NNT: variants seen among roughly 807,000 people sequenced by gnomAD.
The protein encoded by NNT is NAD(P) transhydrogenase, mitochondrial.
A neutral mutation model predicts 104.8 loss-of-function variants in NNT; 50 were observed. That is an observed-to-expected ratio of 0.48 (90% CI 0.38 to 0.60). The LOEUF (loss-of-function observed/expected upper bound fraction) is 0.60, where lower values mean the gene tolerates loss of function less well. NNT is among the 20% of genes least tolerant of loss of function. The probability of loss-of-function intolerance (pLI) is 0.00; values close to 1 mark genes in which losing one functional copy is unlikely to be tolerated. For missense variants in NNT, 1,131 were observed against 1,330.7 expected (o/e 0.85, Z 2.33); for synonymous variants, 461 against 490.4 (o/e 0.94, Z 0.79).
chr5:43,695,408 G>A (rs1706323498), intron 19 of NNT, among the ~76,000 whole-genome samples: 1 of 152,248 alleles, frequency 6.6e-6, no homozygotes, highest in Non-Finnish European at 1.5e-5. Context: ...AGTGTGTTGT[G>A]GTGGCCATAA....
At chr5:43,666,326 T>C (rs1388610733) in intron 17 of NNT, among the ~76,000 whole-genome samples, 2 of 151,964 alleles carry the variant, frequency 1.3e-5, no homozygotes, top group Non-Finnish European at 2.9e-5. Flanking sequence ...TGAGCGAGAC[T>C]CCGTCTGCAA....
rs971052559 is a variant in NNT, at chr5:43,705,179, T to A, written c.*775T>A. On this transcript the variant is annotated 3_prime_UTR_variant, in exon 22 of 22. Coordinates refer to ENST00000344920, the MANE Select transcript of NNT (RefSeq NM_182977.3). ...TTATAATGTGTAGTACTATATTAAG[T>A]GCACTTGAGTGGAATTCAACATTTG... is the stretch of plus-strand genomic sequence containing the variant. 3.9e-5 allele frequency: 6 copies of A among 152,180 alleles called. No homozygotes were observed. The highest frequency in any genetic ancestry group is 1.4e-4 in the African/African-American group (6 of 41,468). The allele number at this position is 152,180 out of a possible 1,614,324, so 9.4% of individuals were successfully genotyped here. A position where few individuals can be genotyped will look rare whatever the true frequency, so the allele number is the denominator to read the frequency against.
chr5:43,702,505 G>C (rs1379248310), intron 20 of NNT, 116 bp from the exon 21 acceptor site: 9 of 645,744 alleles, frequency 1.4e-5, no homozygotes, highest in Non-Finnish European at 1.9e-5. Flanking sequence ...GCACAAGTGC[G>C]AATCCTATAT....
intron 19 of NNT, among the ~76,000 whole-genome samples, chr5:43,685,534 GA>G (rs1423663228): frequency 2.0e-5 from 3 of 152,070 alleles, no homozygotes; most frequent in Non-Finnish European, 4.4e-5. Flanking sequence ...ATAATAGCAA[GA>G]AGCTGAAAAA....
chr5:43,700,055 A>G, intron 19 of NNT, 64 bp from the exon 20 acceptor site: 1 of 1,245,624 alleles, frequency 8.0e-7, no homozygotes, highest in East Asian at 2.4e-5. Context: ...TGGAGGTGAT[A>G]TTGGGGTCTC....
intron 7 of NNT, among the ~76,000 whole-genome samples, chr5:43,642,432 A>T (rs1051051660): frequency 6.6e-6 from 1 of 152,190 alleles, no homozygotes; most frequent in African/African-American, 2.4e-5. Context: ...CCTTTGTTAG[A>T]TTACAGTACG....
At chr5:43,603,465 G>A (rs1046931925) in intron 1 of NNT, among the ~76,000 whole-genome samples, 171 bp downstream of exon 1, 3 of 152,164 alleles carry the variant, frequency 2.0e-5, no homozygotes, top group African/African-American at 4.8e-5. Flanking sequence ...GTGCATTGGG[G>A]TGTCCGCAGG....
At position 43,706,856 on chromosome 5, in the gene NNT, A is replaced by G. The variant is rs1743106324; in HGVS notation, c.*2452A>G. On this transcript the variant is annotated 3_prime_UTR_variant, in exon 22 of 22. Coordinates refer to ENST00000344920, the MANE Select transcript of NNT (RefSeq NM_182977.3). The stretch of plus-strand genomic sequence containing the variant: ...AAAGCTGGAAACCATCATTCTGAGC[A>G]AACTATTGCAAGGACAGAAAACCAA... 6.6e-6 allele frequency: 1 copy of G among 152,306 alleles called. No individual in the cohort carries two copies. Among genetic ancestry groups the G allele is most frequent in the South Asian group, 2.1e-4 (1 of 4,838 alleles). 9.4% of individuals were successfully genotyped at this position (152,306 alleles called of 1,614,324 possible).
At position 43,644,746 on chromosome 5, in the gene NNT, G is replaced by A. The variant is rs560132206; in HGVS notation, c.1234G>A (p.Asp412Asn). 3.1e-6 allele frequency: 5 copies of A among 1,614,178 alleles called. No homozygotes were observed. The East Asian group carries it at 8.9e-5, about 29-fold the overall frequency. The part of the protein sequence containing the change: ...DKDNFYFDVK[D>N]DFDFGTMGHV... ...AGATAATTTTTATTTTGATGTGAAA[G>A]ATGACTTTGACTTTGGTACGATGGG... Residue 412 changes from aspartate (D) to asparagine (N), a missense_variant, in exon 9 of 22, where the codon GAT becomes AAT. By Grantham distance (23) the Asp-to-Asn change is conservative (BLOSUM62 1). Transcript: ENST00000344920.
chr5:43,680,728 A>G (rs977435475), intron 19 of NNT, among the ~76,000 whole-genome samples: 8 of 152,136 alleles, frequency 5.3e-5, no homozygotes, highest in African/African-American at 1.9e-4. Context: ...TCATGACAAG[A>G]ACTCATTTTA....
chr5:43,652,191 A>G (rs557601750), intron 13 of NNT, among the ~76,000 whole-genome samples: 15 of 152,358 alleles, frequency 9.8e-5, no homozygotes, highest in African/African-American at 3.6e-4. Flanking sequence ...GTATCTAGCT[A>G]GATTGCGGTG....
At chr5:43,632,476 A>G (rs983937512) in intron 7 of NNT, among the ~76,000 whole-genome samples, 3 of 152,230 alleles carry the variant, frequency 2.0e-5, no homozygotes, top group African/African-American at 7.2e-5. Flanking sequence ...TGAAAAAACA[A>G]TGAACTTGTA....
chr5:43,693,344 G>T (rs573377456), intron 19 of NNT, among the ~76,000 whole-genome samples: 12 of 152,290 alleles, frequency 7.9e-5, no homozygotes, highest in African/African-American at 2.9e-4. Flanking sequence ...AGATATTTAT[G>T]TTTAGAGCTG....
intron 1 of NNT, among the ~76,000 whole-genome samples, chr5:43,606,716 C>A (rs1749242877): frequency 6.6e-6 from 1 of 152,150 alleles, no homozygotes; most frequent in Non-Finnish European, 1.5e-5. Context: ...ATTCTTTGAT[C>A]CTTCAAAGGA....
At chr5:43,699,520 A>C (rs1164960057) in intron 19 of NNT, among the ~76,000 whole-genome samples, 1 of 151,770 alleles carries the variant, frequency 6.6e-6, no homozygotes, top group African/African-American at 2.4e-5. Flanking sequence ...TGCCCGGCTA[A>C]TTTTTGTATT....
chr5:43,676,458 A>G (rs924353609), intron 18 of NNT, among the ~76,000 whole-genome samples: 5 of 152,242 alleles, frequency 3.3e-5, no homozygotes, highest in African/African-American at 1.2e-4. Flanking sequence ...TTAAAGTGTA[A>G]GCCTTCTCAA....
intron 17 of NNT, among the ~76,000 whole-genome samples, chr5:43,672,159 A>G (rs1293352138): frequency 6.6e-6 from 1 of 152,062 alleles, no homozygotes; most frequent in African/African-American, 2.4e-5. Flanking sequence ...ACTTCTCTAC[A>G]CTGTTTATTC....
At chr5:43,675,367 C>T in intron 17 of NNT, 144 bp from the exon 18 acceptor site, 1 of 609,156 alleles carries the variant, frequency 1.6e-6, no homozygotes, top group East Asian at 3.4e-5. Flanking sequence ...TTTCAGAAAC[C>T]AGCTGAAATT....
intron 17 of NNT, among the ~76,000 whole-genome samples, chr5:43,672,061 T>A (rs1561310507): frequency 1.3e-5 from 2 of 152,244 alleles, no homozygotes; most frequent in Admixed American, 6.5e-5. Context: ...TACCCTTTCT[T>A]CCAGTTGATC....
Sources: allele counts gnomAD v4.1 joint callset (sites outside exome capture counted in the v4.1 genomes callset), GRCh38; gene constraint gnomAD v4.1.1; transcripts MANE v1.5; gene names NCBI Gene and HGNC (gene_info 2026-07-23, HGNC 2026-07-21).